Variants in PHACTR3 observed in about 807,000 individuals in gnomAD.
The protein encoded by PHACTR3 is protein phosphatase 1, regulatory subunit 123.
Under a neutral mutation model 66.8 loss-of-function variants are expected in PHACTR3, and 16 were observed. That is an observed-to-expected ratio of 0.24 (90% confidence interval 0.16 to 0.36). PHACTR3 has a LOEUF of 0.36. Ranked by LOEUF, PHACTR3 falls within the 10% of genes least tolerant of loss-of-function variation. The pLI is 1.00. For missense variants in PHACTR3, 647 were observed against 719.9 expected (o/e 0.90, Z 1.16); for synonymous variants, 323 against 292.1 (o/e 1.11, Z -1.08).
intron 7 of PHACTR3, among the ~76,000 whole-genome samples, chr20:59,775,235 G>T (rs934361744): frequency 1.3e-5 from 2 of 152,194 alleles, no homozygotes; most frequent in African/African-American, 4.8e-5. Flanking sequence ...TACTGGCTGT[G>T]CGGGGCCCTC....
chr20:59,790,955 G>T (rs906747701), intron 7 of PHACTR3, among the ~76,000 whole-genome samples: 1 of 152,126 alleles, frequency 6.6e-6, no homozygotes, highest in Non-Finnish European at 1.5e-5. Flanking sequence ...TCAGCTCTCT[G>T]GTCTCAGCTA....
intron 8 of PHACTR3, among the ~76,000 whole-genome samples, chr20:59,826,660 T>C (rs1051580075): frequency 5.9e-5 from 9 of 152,142 alleles, no homozygotes; most frequent in African/African-American, 2.2e-4. Flanking sequence ...GTCCCTGCCC[T>C]GTCTCTCATG....
chr20:59,672,268 T>C (rs1466342422), intron 1 of PHACTR3, among the ~76,000 whole-genome samples: 1 of 152,250 alleles, frequency 6.6e-6, no homozygotes, highest in Non-Finnish European at 1.5e-5. Flanking sequence ...ATCCCTGCGT[T>C]GGAGTCACAG....
At chr20:59,643,675 C>T (rs1207799342) in intron 1 of PHACTR3, among the ~76,000 whole-genome samples, 1 of 152,176 alleles carries the variant, frequency 6.6e-6, no homozygotes, top group Non-Finnish European at 1.5e-5. Flanking sequence ...TGCAGGGGAA[C>T]TTGGGTGCAC....
chr20:59,768,571 C>G (rs2040260509), intron 5 of PHACTR3, among the ~76,000 whole-genome samples: 1 of 152,246 alleles, frequency 6.6e-6, no homozygotes, highest in African/African-American at 2.4e-5. Context: ...GCGATCTCAC[C>G]TAATCCTCAT....
intron 1 of PHACTR3, among the ~76,000 whole-genome samples, chr20:59,686,751 GA>G (rs1568711632): frequency 0.11 from 16,844 of 149,104 alleles, 1,393 homozygotes; most frequent in Non-Finnish European, 0.15. Context: ...TGATGGTGAT[GA>G]TGATGGTGAT....
chr20:59,602,160 A>G (rs527511938), upstream of PHACTR3, among the ~76,000 whole-genome samples: 7 of 152,294 alleles, frequency 4.6e-5, no homozygotes, highest in African/African-American at 1.7e-4. Context: ...TTAACCACAC[A>G]GGAGACAGCT....
intron 1 of PHACTR3, among the ~76,000 whole-genome samples, chr20:59,682,075 C>T (rs1362861862): frequency 1.3e-5 from 2 of 151,950 alleles, no homozygotes; most frequent in Non-Finnish European, 2.9e-5. Flanking sequence ...CGCGGTGGCT[C>T]ATGCCTGTAA....
At chr20:59,798,130 G>A (rs929540138) in intron 7 of PHACTR3, among the ~76,000 whole-genome samples, 1 of 152,190 alleles carries the variant, frequency 6.6e-6, no homozygotes, top group Non-Finnish European at 1.5e-5. Flanking sequence ...TCAATGTCTG[G>A]TGAGAACCCA....
intron 5 of PHACTR3, among the ~76,000 whole-genome samples, chr20:59,770,547 C>T (rs2040326052): frequency 6.6e-6 from 1 of 152,210 alleles, no homozygotes; most frequent in African/African-American, 2.4e-5. Context: ...ATTTATTCGT[C>T]ACTCTTCTAG....
chr20:59,765,636 A>G (rs2040154531), intron 4 of PHACTR3, among the ~76,000 whole-genome samples: 1 of 152,248 alleles, frequency 6.6e-6, no homozygotes, highest in Non-Finnish European at 1.5e-5. Flanking sequence ...ATGATAGCTA[A>G]TGGGATACAA....
At chr20:59,675,344 C>T (rs1293168038) in intron 1 of PHACTR3, among the ~76,000 whole-genome samples, 1 of 152,064 alleles carries the variant, frequency 6.6e-6, no homozygotes, top group African/African-American at 2.4e-5. Context: ...GGGAGAGATG[C>T]CCCCACTACA....
intron 1 of PHACTR3, among the ~76,000 whole-genome samples, chr20:59,707,557 C>T (rs1052859359): frequency 1.3e-5 from 2 of 150,738 alleles, no homozygotes; most frequent in African/African-American, 2.4e-5. Context: ...ACCTCTGCCT[C>T]CTGGGTTCAA....
chr20:59,694,900 G>A (rs1181224286), intron 1 of PHACTR3, among the ~76,000 whole-genome samples: 6 of 152,208 alleles, frequency 3.9e-5, no homozygotes, highest in Middle Eastern at 3.4e-3. Context: ...AATGATTGCC[G>A]GGTGCTATGC....
chr20:59,761,113 G>T (rs2039978650), intron 4 of PHACTR3, among the ~76,000 whole-genome samples: 1 of 152,104 alleles, frequency 6.6e-6, no homozygotes, highest in Non-Finnish European at 1.5e-5. Flanking sequence ...CTAGAACAAG[G>T]ACTGTCAAAT....
chr20:59,658,571 T>C (rs1370824920), intron 1 of PHACTR3, among the ~76,000 whole-genome samples: 2 of 152,102 alleles, frequency 1.3e-5, no homozygotes, highest in Non-Finnish European at 2.9e-5. Flanking sequence ...GCCTTGGGAG[T>C]GTGCACAGTC....
intron 1 of PHACTR3, among the ~76,000 whole-genome samples, chr20:59,636,115 A>G (rs891423601): frequency 6.6e-6 from 1 of 152,204 alleles, no homozygotes; most frequent in African/African-American, 2.4e-5. Context: ...CTATATTTTC[A>G]TCACTTTTAT....
chr20:59,827,518 G>A lies in PHACTR3; in HGVS notation c.1329-8987G>A, dbSNP rs1021168824. On this transcript the variant is annotated intron_variant, in intron 8 of 12. Coordinates refer to ENST00000371015, the MANE Select transcript of PHACTR3 (RefSeq NM_080672.5). ...CAGCTTGCGGAGCCCAGGGCACAGCGGCCTGGCTAGCCCCCTCACATACGG... is the reference window on the plus strand; with the variant it reads ...CAGCTTGCGGAGCCCAGGGCACAGCAGCCTGGCTAGCCCCCTCACATACGG... Among the ~76,000 whole-genome samples the A allele has an allele frequency of 2.6e-5, 4 of 152,252 alleles. No homozygotes were observed. In the South Asian group the frequency reaches 6.2e-4, roughly 24 times the overall value.
At chr20:59,749,062 A>G (rs1173468802) in intron 3 of PHACTR3, among the ~76,000 whole-genome samples, 2 of 152,146 alleles carry the variant, frequency 1.3e-5, no homozygotes, top group African/African-American at 4.8e-5. Context: ...AAAACCTTAC[A>G]TGTGCGAGGA....
Sources: allele counts gnomAD v4.1 joint callset (sites outside exome capture counted in the v4.1 genomes callset), GRCh38; gene constraint gnomAD v4.1.1; transcripts MANE v1.5; gene names NCBI Gene and HGNC (gene_info 2026-07-23, HGNC 2026-07-21).